CSNK1D: variants seen among roughly 807,000 people sequenced by gnomAD.
CSNK1D encodes casein kinase 1 delta.
In CSNK1D, 16 loss-of-function variants were observed where a neutral mutation model predicts 46.6. The ratio of observed to expected loss-of-function variants is 0.34; its 90% confidence interval spans 0.23 to 0.52. The LOEUF is 0.52. CSNK1D is among the 20% of genes least tolerant of loss of function. The pLI is 0.95. For synonymous variants in CSNK1D, 276 were observed against 228.2 expected (o/e 1.21, Z -1.89); for missense variants, 398 against 578.4 (o/e 0.69, Z 3.20).
chr17:82,246,391 ACGCACATCCTCGC>A, intron 8 of CSNK1D: 1 of 1,246,556 alleles, frequency 8.0e-7, no homozygotes, highest in Non-Finnish European at 1.0e-6. Context: ...GGCAGGGGAG[ACGCACATCCTCGC>A]CGGTACGACG....
intron 1 of CSNK1D, among the ~76,000 whole-genome samples, chr17:82,267,413 G>C (rs1190574675): frequency 6.6e-6 from 1 of 152,192 alleles, no homozygotes; most frequent in Non-Finnish European, 1.5e-5. Flanking sequence ...CACCCAGGAA[G>C]CCCCTCGTCT....
At position 82,253,163 on chromosome 17, in the gene CSNK1D, TC is replaced by T. The variant is rs1243989757; in HGVS notation, c.417del (p.Lys140ArgfsTer64). 1 of 1,614,040 alleles carries T rather than the reference TC, an allele frequency of 6.2e-7. No homozygotes were observed. Among genetic ancestry groups the T allele is most frequent in the Admixed American group, 1.7e-5 (1 of 60,004 alleles). On this transcript the variant is annotated frameshift_variant, in exon 4 of 9. Coordinates refer to ENST00000314028, the MANE Select transcript of CSNK1D (RefSeq NM_001893.6). LOFTEE classifies it high-confidence loss of function. Reference protein sequence around the residue: ...VKPDNFLMGLGKKGNLVYIID... With the variant: ...VKPDNFLMGLXKKGNLVYIID... The stretch of plus-strand genomic sequence containing the variant: ...ATGATGTACACCAGGTTGCCCTTCT[TC>T]CCCAGGCCCATGAGGAAGTTGTCTG...
intron 1 of CSNK1D, among the ~76,000 whole-genome samples, chr17:82,271,835 A>G (rs2051633240): frequency 6.6e-6 from 1 of 152,228 alleles, no homozygotes; most frequent in Non-Finnish European, 1.5e-5. Flanking sequence ...CAGAGGCATT[A>G]CTGACATCCC....
intron 2 of CSNK1D, among the ~76,000 whole-genome samples, chr17:82,256,125 T>C (rs1568569826): frequency 6.6e-6 from 1 of 152,000 alleles, no homozygotes. Context: ...AATATACAAA[T>C]CAGGGAAGTG....
chr17:82,259,261 T>C (rs2051264000), intron 2 of CSNK1D, among the ~76,000 whole-genome samples: 1 of 152,274 alleles, frequency 6.6e-6, no homozygotes, highest in African/African-American at 2.4e-5. Flanking sequence ...ATTAAATTGT[T>C]GGTTTAACAA....
chr17:82,268,091 G>C (rs139252809), intron 1 of CSNK1D, among the ~76,000 whole-genome samples: 2 of 152,308 alleles, frequency 1.3e-5, no homozygotes, highest in East Asian at 3.9e-4. Flanking sequence ...CTGTGGAACC[G>C]ACACCAAGGT....
Position 82,253,152 on chromosome 17 carries a change from G to A in CSNK1D, c.429C>T (p.Asn143=), listed in dbSNP as rs377571103. The A allele has an allele frequency of 2.0e-5, 32 of 1,614,092 alleles. No individual in the cohort carries two copies. The highest frequency in any genetic ancestry group is 1.6e-4 in the Middle Eastern group (1 of 6,084). ...GCCCGAAGTCGATGATGTACACCAG[G>A]TTGCCCTTCTTCCCCAGGCCCATGA... is the stretch of plus-strand genomic sequence containing the variant. ...NFLMGLGKKG[N]LVYIIDFGLA... is the part of the protein sequence containing the mutation. Residue 143 remains asparagine, a synonymous_variant, in exon 4 of 9, where the codon AAC becomes AAT. Transcript: ENST00000314028.
At chr17:82,245,249 G>A (rs973924108) in intron 8 of CSNK1D, 5 of 340,090 alleles carry the variant, frequency 1.5e-5, no homozygotes, top group African/African-American at 6.4e-5. Context: ...GTCTCCCAGC[G>A]GCACAGACCC....
chr17:82,250,092 G>C lies in CSNK1D; in HGVS notation c.886-490C>G. On this transcript the variant is annotated intron_variant, in intron 6 of 8. Coordinates refer to ENST00000314028, the MANE Select transcript of CSNK1D (RefSeq NM_001893.6). This position sits in a 1 kb window ranked among gnomAD's most constrained non-coding sequence, Gnocchi z 4.6. ...TCCAACAGCCTGTGCAGGTGTGGTG[G>C]CGTGGCCAGCAGCCGGCAGCCGGAT... 1 of 1,290,264 alleles carries C rather than the reference G, an allele frequency of 7.8e-7. No individual in the cohort carries two copies. The allele number at this position is 1,290,264 out of a possible 1,614,324, so 79.9% of individuals were successfully genotyped here. A position where few individuals can be genotyped will look rare whatever the true frequency, so the allele number is the denominator to read the frequency against.
intron 2 of CSNK1D, 139 bp downstream of exon 2, chr17:82,265,547 C>T (rs2147214772): frequency 2.8e-6 from 2 of 726,078 alleles, no homozygotes; most frequent in African/African-American, 1.7e-5. Flanking sequence ...GCTGTGACTG[C>T]TTTGTCAGGG....
chr17:82,265,726 G>C lies in CSNK1D; in HGVS notation c.147C>G (p.Leu49=), dbSNP rs751201781. The stretch of plus-strand genomic sequence containing the variant: ...TCTTGTAGATTTTGCTCTCAATGTG[G>C]AGCTGAGGGTGTTTGGTTTTGACAC... The part of the protein sequence containing the change: ...LECVKTKHPQ[L]HIESKIYKMM... The change falls in exon 2 of 9, where the codon CTC becomes CTG. Residue 49 remains leucine (L), a synonymous_variant. Transcript: ENST00000314028. 1 of 1,614,144 alleles carries C rather than the reference G, an allele frequency of 6.2e-7. No individual in the cohort carries two copies. Among genetic ancestry groups the C allele is most frequent in the Non-Finnish European group, 8.5e-7 (1 of 1,180,014 alleles).
chr17:82,249,163 C>T lies in CSNK1D; in HGVS notation c.1058-149G>A, dbSNP rs747941782. The T allele has an allele frequency of 5.1e-5, 52 of 1,018,082 alleles. No homozygotes were observed. The highest frequency in any genetic ancestry group is 9.9e-5 in the Admixed American group (4 of 40,268). 63.1% of individuals were successfully genotyped at this position (1,018,082 alleles called of 1,614,324 possible). A position where few individuals can be genotyped will look rare whatever the true frequency, so the allele number is the denominator to read the frequency against. On this transcript the variant is annotated intron_variant, in intron 7 of 8. Transcript: ENST00000314028. The surrounding 1 kb of genome is among the most constrained non-coding windows in gnomAD (Gnocchi z 6.7). ...GCCGATGGCCACCAACACTCAGATC[C>T]GGCCGGAGGGACACAAAGGGACATG...
chr17:82,246,317 C>G, intron 8 of CSNK1D: 1 of 1,343,812 alleles, frequency 7.4e-7, no homozygotes, highest in Non-Finnish European at 9.6e-7. Context: ...CTAAGAAAAC[C>G]TGATCCCAGC....
At chr17:82,266,051 C>G (rs2051459992) in intron 1 of CSNK1D, among the ~76,000 whole-genome samples, 3 of 152,202 alleles carry the variant, frequency 2.0e-5, no homozygotes, top group African/African-American at 7.2e-5. Context: ...GCCCACCAGT[C>G]TTCAGGTGCT....
downstream of CSNK1D, chr17:82,240,203 G>A (rs2050723222): frequency 1.8e-6 from 1 of 540,872 alleles, no homozygotes; most frequent in Non-Finnish European, 2.8e-6. Context: ...CTCTAGCAGG[G>A]CTCAGGCTGG....
chr17:82,258,526 G>A (rs1052745809), intron 2 of CSNK1D, among the ~76,000 whole-genome samples: 4 of 151,968 alleles, frequency 2.6e-5, no homozygotes, highest in African/African-American at 9.7e-5. Context: ...ACCTTATTAC[G>A]GATTTGTGAA....
rs559920341 is a variant in CSNK1D, at chr17:82,250,322, G to A, written c.886-720C>T. 41 of 680,088 alleles carry A rather than the reference G, an allele frequency of 6.0e-5. No individual in the cohort carries two copies. Among genetic ancestry groups the A allele is most frequent in the South Asian group, 5.8e-4 (37 of 63,900 alleles). 42.1% of individuals were successfully genotyped at this position (680,088 alleles called of 1,614,324 possible). A position where few individuals can be genotyped will look rare whatever the true frequency, so the allele number is the denominator to read the frequency against. ...ACGTTCACCAGGCAACACACAGACC[G>A]ACACACCTGCGGCTGCAGCACCGTG... On this transcript the variant is annotated intron_variant, in intron 6 of 8. Transcript: ENST00000314028. The surrounding 1 kb of genome is among the most constrained non-coding windows in gnomAD (Gnocchi z 4.6).
intron 3 of CSNK1D, chr17:82,253,520 C>G: frequency 2.2e-6 from 1 of 459,262 alleles, no homozygotes. Context: ...CAACCCGCCA[C>G]TAGACATCGG....
chr17:82,245,719 G>A (rs774489759), intron 8 of CSNK1D: 4 of 510,306 alleles, frequency 7.8e-6, no homozygotes, highest in South Asian at 6.1e-5. Flanking sequence ...ACGCAGTCAC[G>A]GGGAGGCCAC....
Sources: gnomAD v4.1 joint callset for allele counts (sites outside exome capture counted in the v4.1 genomes callset) on GRCh38, gnomAD v4.1.1 for gene constraint, Gnocchi (gnomAD v3.1) non-coding constraint, MANE v1.5 for transcripts, NCBI Gene and HGNC (gene_info 2026-07-23, HGNC 2026-07-21) for gene names.